The following PRICKLE1 variants were observed in gnomAD, a reference collection of about 807,000 sequenced individuals.
PRICKLE1 encodes prickle planar cell polarity protein 1, also known as prickle-like protein 1.
Under a neutral mutation model 70.2 loss-of-function variants are expected in PRICKLE1, and 14 were observed. That is an observed-to-expected ratio of 0.20 (90% CI 0.13 to 0.31). The LOEUF is 0.31. Ranked by LOEUF, PRICKLE1 falls within the 10% of genes least tolerant of loss-of-function variation. PRICKLE1 has a pLI of 1.00. For missense variants in PRICKLE1, 821 were observed against 1,026.2 expected, an observed-to-expected ratio of 0.80 and a Z score of 2.73; for synonymous variants, 357 against 379.9, an observed-to-expected ratio of 0.94 and a Z score of 0.70.
intron 1 of PRICKLE1, among the ~76,000 whole-genome samples, chr12:42,476,172 G>C (rs557317273): frequency 6.7e-6 from 1 of 148,826 alleles, no homozygotes; most frequent in African/African-American, 2.5e-5. Context: ...ATCATCACTA[G>C]CAACTTCTTT....
Position 42,459,852 on chromosome 12 carries a change from T to C in PRICKLE1, c.2453A>G (p.Lys818Arg), listed in dbSNP as rs1305882970. 6.2e-7 allele frequency: 1 copy of C among 1,614,234 alleles called. No homozygotes were observed. Among genetic ancestry groups the C allele is most frequent in the Admixed American group, 1.7e-5 (1 of 60,028 alleles). The change falls in exon 8 of 8, where the codon AAG becomes AGG. Residue 818 changes from lysine (K) to arginine (R), a missense_variant. Lys to Arg is a conservative substitution (Grantham distance 26, BLOSUM62 2). Coordinates refer to ENST00000345127, the MANE Select transcript of PRICKLE1 (RefSeq NM_153026.3). The part of the protein sequence containing the change: ...PQFGQRTTKS[K>R]KKKGHKGKNC... ...TTTGCCCTTGTGTCCCTTTTTCTTCTTGGATTTTGTTGTCCTCTGACCAAA... is the reference window on the plus strand; with the variant it reads ...TTTGCCCTTGTGTCCCTTTTTCTTCCTGGATTTTGTTGTCCTCTGACCAAA...
chr12:42,493,588 C>T (rs1939141568), intron 1 of PRICKLE1, among the ~76,000 whole-genome samples: 1 of 152,204 alleles, frequency 6.6e-6, no homozygotes, highest in Admixed American at 6.5e-5. Flanking sequence ...TATGAGACCA[C>T]TAATACTCTG....
In PRICKLE1 at chr12:42,552,840, G is replaced by T. The variant is rs866687709; in HGVS notation, c.-49+36625C>A. 2.5e-4 allele frequency among the ~76,000 whole-genome samples: 38 copies of T among 152,240 alleles called. 1 individual carries two copies. Among genetic ancestry groups the T allele is most frequent in the Admixed American group, 2.5e-3 (38 of 15,282 alleles). ...CAGGGACCCGTTTCATGGAAGACAC[G>T]GAGGTGGAGTGGGAGTGGATGTTTT... is the stretch of plus-strand genomic sequence containing the variant. On this transcript the variant is annotated intron_variant, in intron 1 of 7. Coordinates refer to ENST00000345127, the MANE Select transcript of PRICKLE1 (RefSeq NM_153026.3).
intron 1 of PRICKLE1, among the ~76,000 whole-genome samples, chr12:42,477,306 A>G (rs12578738): frequency 0.97 from 146,034 of 151,314 alleles, 70,708 homozygotes; most frequent in Middle Eastern, 1. Context: ...CAGGAGGCAG[A>G]GGTTGCGGTG....
chr12:42,497,242 AAC>A (rs1939217778), intron 1 of PRICKLE1, among the ~76,000 whole-genome samples: 1 of 152,160 alleles, frequency 6.6e-6, no homozygotes, highest in Non-Finnish European at 1.5e-5. Context: ...GAGTAGTCAG[AAC>A]ACACAAAACA....
intron 1 of PRICKLE1, among the ~76,000 whole-genome samples, chr12:42,573,226 C>CA (rs1592039914): frequency 6.6e-6 from 1 of 152,080 alleles, no homozygotes; most frequent in East Asian, 1.9e-4. Context: ...AATATTAGAG[C>CA]AAAATAACAG....
chr12:42,464,457 T>C lies in PRICKLE1; in HGVS notation c.1577A>G (p.Asp526Gly). The C allele has an allele frequency of 6.2e-7, 1 of 1,614,124 alleles. No homozygotes were observed. The highest frequency in any genetic ancestry group is 8.5e-7 in the Non-Finnish European group (1 of 1,180,026). Reference protein sequence around the residue: ...WYEDSLECLSDLKPEQSVRDS... With the variant: ...WYEDSLECLSGLKPEQSVRDS... Reference sequence around the variant, plus strand: ...CCGAACACTTTGCTCTGGTTTCAGGTCTGACAGACACTCCAGGGAATCTTC... The same window carrying C: ...CCGAACACTTTGCTCTGGTTTCAGGCCTGACAGACACTCCAGGGAATCTTC... Residue 526 changes from aspartate (D) to glycine (G), a missense_variant, in exon 7 of 8, where the codon GAC (aspartate) becomes GGC (glycine). Coordinates refer to ENST00000345127, the MANE Select transcript of PRICKLE1 (RefSeq NM_153026.3). The surrounding 1 kb of genome is among the most constrained non-coding windows in gnomAD (Gnocchi z 4.2).
intron 1 of PRICKLE1, among the ~76,000 whole-genome samples, chr12:42,513,232 G>T (rs1288072277): frequency 6.6e-6 from 1 of 152,140 alleles, no homozygotes; most frequent in Admixed American, 6.5e-5. Flanking sequence ...AAAGCACTGG[G>T]ATTACAGGGG....
At chr12:42,524,362 G>C (rs1939763941) in intron 1 of PRICKLE1, among the ~76,000 whole-genome samples, 1 of 152,096 alleles carries the variant, frequency 6.6e-6, no homozygotes, top group African/African-American at 2.4e-5. Context: ...AATAATCAAA[G>C]GACCAAAATT....
chr12:42,521,749 G>C (rs370718828), intron 1 of PRICKLE1, among the ~76,000 whole-genome samples: 1 of 151,428 alleles, frequency 6.6e-6, no homozygotes, highest in African/African-American at 2.4e-5. Context: ...AGTTAAAACC[G>C]AGAACAAGCC....
chr12:42,540,409 C>T (rs1166928402), intron 1 of PRICKLE1, among the ~76,000 whole-genome samples: 1 of 152,076 alleles, frequency 6.6e-6, no homozygotes, highest in Non-Finnish European at 1.5e-5. Context: ...AATGGGAAGG[C>T]AAGGAGGATT....
At chr12:42,549,377 A>C (rs1940270337) in intron 1 of PRICKLE1, among the ~76,000 whole-genome samples, 1 of 152,148 alleles carries the variant, frequency 6.6e-6, no homozygotes, top group Non-Finnish European at 1.5e-5. Flanking sequence ...CAAGAAAACA[A>C]AGGTGGAAAT....
At chr12:42,567,063 C>T (rs941338813) in intron 1 of PRICKLE1, among the ~76,000 whole-genome samples, 1 of 152,128 alleles carries the variant, frequency 6.6e-6, no homozygotes, top group South Asian at 2.1e-4. Flanking sequence ...GATCAACATA[C>T]CTTAACAAAA....
chr12:42,466,445 G>GT, intron 5 of PRICKLE1, 65 bp from the exon 6 acceptor site: 1 of 1,428,386 alleles, frequency 7.0e-7, no homozygotes. Context: ...TAAAGGCCAA[G>GT]TAACTGCATG....
intron 1 of PRICKLE1, among the ~76,000 whole-genome samples, chr12:42,510,707 T>C (rs1405225633): frequency 6.6e-6 from 1 of 152,200 alleles, no homozygotes; most frequent in Non-Finnish European, 1.5e-5. Context: ...AAGATCTTTA[T>C]TGAGATGGGC....
chr12:42,509,676 C>CAATAAT (rs200984206), intron 1 of PRICKLE1, among the ~76,000 whole-genome samples: 3 of 151,964 alleles, frequency 2.0e-5, no homozygotes, highest in African/African-American at 2.4e-5. Context: ...TCCTTAATAA[C>CAATAAT]AATAATAATA....
At chr12:42,584,946 G>A (rs1291306071) in intron 1 of PRICKLE1, among the ~76,000 whole-genome samples, 2 of 152,106 alleles carry the variant, frequency 1.3e-5, no homozygotes, top group African/African-American at 4.8e-5. Flanking sequence ...AAGCTGGTGG[G>A]TGCTATAAAT....
At chr12:42,566,541 C>T (rs957983079) in intron 1 of PRICKLE1, among the ~76,000 whole-genome samples, 3 of 152,182 alleles carry the variant, frequency 2.0e-5, no homozygotes, top group Admixed American at 6.5e-5. Context: ...TGTTCAATAA[C>T]TGTGTGACCA....
At chr12:42,470,893 A>G (rs1938295040) in intron 2 of PRICKLE1, among the ~76,000 whole-genome samples, 2 of 151,528 alleles carry the variant, frequency 1.3e-5, no homozygotes, top group South Asian at 4.2e-4. Context: ...GTGACAGAGC[A>G]AGAATCCGTC....
Sources: gnomAD v4.1 joint callset for allele counts (sites outside exome capture counted in the v4.1 genomes callset) on GRCh38, gnomAD v4.1.1 for gene constraint, Gnocchi (gnomAD v3.1) non-coding constraint, MANE v1.5 for transcripts, NCBI Gene and HGNC (gene_info 2026-07-23, HGNC 2026-07-21) for gene names.